Variants in BTRC observed in about 807,000 individuals in gnomAD.
BTRC encodes the protein beta-transducin repeat containing E3 ubiquitin protein ligase.
BTRC carries 42 observed loss-of-function variants against 85.5 expected under a neutral mutation model. That is an observed-to-expected ratio of 0.49 (90% CI 0.38 to 0.64). BTRC has a LOEUF of 0.64. BTRC is among the 30% of genes least tolerant of loss of function. The probability of loss-of-function intolerance (pLI) is 0.00; values close to 1 mark genes in which losing one functional copy is unlikely to be tolerated. For missense variants in BTRC, 594 were observed against 743.5 expected (o/e 0.80, Z 2.34); for synonymous variants, 255 against 263.3 (o/e 0.97, Z 0.30).
chr10:101,493,936 A>G (rs1030455527), intron 4 of BTRC, among the ~76,000 whole-genome samples: 2 of 152,192 alleles, frequency 1.3e-5, no homozygotes, highest in Non-Finnish European at 2.9e-5. Context: ...ACCAAGGGGC[A>G]GCATCAAATA....
At chr10:101,465,916 T>C (rs951275017) in intron 3 of BTRC, among the ~76,000 whole-genome samples, 1 of 152,236 alleles carries the variant, frequency 6.6e-6, no homozygotes, top group Non-Finnish European at 1.5e-5. Context: ...GCATTAAATA[T>C]GAACTTTTAT....
At chr10:101,368,305 C>G (rs1247137682) in intron 1 of BTRC, among the ~76,000 whole-genome samples, 2 of 152,170 alleles carry the variant, frequency 1.3e-5, no homozygotes, top group Non-Finnish European at 2.9e-5. Context: ...GCTTGAGACT[C>G]TTACCAGGAG....
intron 3 of BTRC, among the ~76,000 whole-genome samples, chr10:101,475,922 CATATATATATATATATATAT>C (rs71016324): frequency 3.0e-5 from 2 of 67,538 alleles, no homozygotes; most frequent in Non-Finnish European, 3.0e-5. Flanking sequence ...AGTATTTTGC[CATATATATATATATATATAT>C]ATATATATAT....
intron 3 of BTRC, among the ~76,000 whole-genome samples, chr10:101,473,173 T>C (rs1945580395): frequency 6.6e-6 from 1 of 151,630 alleles, no homozygotes; most frequent in Non-Finnish European, 1.5e-5. Context: ...TTTTTCTCTC[T>C]GTTCTTCAGT....
chr10:101,528,948 G>A (rs2062240899), intron 6 of BTRC, among the ~76,000 whole-genome samples: 1 of 152,084 alleles, frequency 6.6e-6, no homozygotes, highest in South Asian at 2.1e-4. Flanking sequence ...GTCTTCCCCT[G>A]GGACATGAAC....
rs767151353 is a variant in BTRC, at chr10:101,550,752, T to C, written c.1710T>C (p.Ser570=). The C allele has an allele frequency of 6.2e-7, 1 of 1,613,988 alleles. No individual in the cohort carries two copies. The highest frequency in any genetic ancestry group is 1.1e-5 in the South Asian group (1 of 91,070). ...RLQFDEFQIV[S]SSHDDTILIW... ...AGTTTGATGAATTCCAGATTGTCAG[T>C]AGTTCACATGATGACACAATCCTCA... Residue 570 remains serine (S), a synonymous_variant, in exon 14 of 15, where the codon AGT becomes AGC. Transcript: ENST00000370187.
At chr10:101,493,726 A>T (rs1189423875) in intron 4 of BTRC, among the ~76,000 whole-genome samples, 1 of 152,248 alleles carries the variant, frequency 6.6e-6, no homozygotes, top group Non-Finnish European at 1.5e-5. Flanking sequence ...CCTTTCTAGC[A>T]TTCCATATGA....
chr10:101,523,777 A>G (rs1017775782), intron 5 of BTRC, among the ~76,000 whole-genome samples: 3 of 152,146 alleles, frequency 2.0e-5, no homozygotes, highest in African/African-American at 7.2e-5. Context: ...TTGTGTTCTC[A>G]AAACATACTT....
At chr10:101,354,971 A>G (rs1941992526) in intron 1 of BTRC, among the ~76,000 whole-genome samples, 2 of 152,192 alleles carry the variant, frequency 1.3e-5, no homozygotes. Flanking sequence ...AGGGAGGGGT[A>G]CATAACGCTA....
chr10:101,531,107 G>T, intron 6 of BTRC, 130 bp from the exon 7 acceptor site: 1 of 649,524 alleles, frequency 1.5e-6, no homozygotes, highest in Non-Finnish European at 2.6e-6. Context: ...GGAAGCGGAG[G>T]TTGCAGTGAG....
At chr10:101,385,618 C>CTTTTTTTTTTTTTTTTTTTTTTTTTTTTT (rs36030307) in intron 1 of BTRC, among the ~76,000 whole-genome samples, 4 of 79,810 alleles carry the variant, frequency 5.0e-5, no homozygotes, top group Non-Finnish European at 9.9e-5. Context: ...TCTTCTTCTT[C>CTTTTTTTTTTTTTTTTTTTTTTTTTTTTT]TTTTTTTTTT....
At chr10:101,418,119 C>A (rs1178641306) in intron 1 of BTRC, among the ~76,000 whole-genome samples, 1 of 152,146 alleles carries the variant, frequency 6.6e-6, no homozygotes, top group African/African-American at 2.4e-5. Flanking sequence ...GTAATCCCAG[C>A]ACTTTGAGAG....
At chr10:101,357,863 T>C (rs987819496) in intron 1 of BTRC, among the ~76,000 whole-genome samples, 9 of 152,206 alleles carry the variant, frequency 5.9e-5, no homozygotes, top group African/African-American at 2.2e-4. Flanking sequence ...AACAAATAAA[T>C]GATATTGAAA....
intron 1 of BTRC, among the ~76,000 whole-genome samples, chr10:101,405,752 G>A (rs969484843): frequency 9.2e-5 from 14 of 152,174 alleles, no homozygotes; most frequent in African/African-American, 3.4e-4. Context: ...CATCTTACAT[G>A]GAACTAGAAC....
chr10:101,437,721 C>T (rs1032007212), intron 2 of BTRC, among the ~76,000 whole-genome samples: 9 of 152,142 alleles, frequency 5.9e-5, no homozygotes, highest in African/African-American at 1.9e-4. Context: ...TTGAATTTGG[C>T]TTATATCTGA....
intron 3 of BTRC, among the ~76,000 whole-genome samples, chr10:101,471,147 T>C (rs913269602): frequency 1.3e-5 from 2 of 152,222 alleles, no homozygotes; most frequent in Non-Finnish European, 2.9e-5. Context: ...TCTCTAGATT[T>C]GTTGTTTTAT....
chr10:101,368,835 G>C (rs570143662), intron 1 of BTRC, among the ~76,000 whole-genome samples: 5 of 152,052 alleles, frequency 3.3e-5, no homozygotes, highest in Non-Finnish European at 7.3e-5. Flanking sequence ...CCTGGCTAAC[G>C]TGGTGAAACC....
At chr10:101,453,643 C>T (rs979232251) in intron 2 of BTRC, 2 of 152,210 alleles carry the variant, frequency 1.3e-5, no homozygotes, top group Middle Eastern at 3.4e-3. Flanking sequence ...TCTTAATTAT[C>T]CATTTTATCA....
At chr10:101,388,461 G>C (rs1253798675) in intron 1 of BTRC, among the ~76,000 whole-genome samples, 1 of 151,838 alleles carries the variant, frequency 6.6e-6, no homozygotes, top group African/African-American at 2.4e-5. Context: ...GAAAGTGCTG[G>C]GATTACAGGC....
Sources: gnomAD v4.1 joint callset for allele counts (sites outside exome capture counted in the v4.1 genomes callset) on GRCh38, gnomAD v4.1.1 for gene constraint, MANE v1.5 for transcripts, NCBI Gene and HGNC (gene_info 2026-07-23, HGNC 2026-07-21) for gene names.